The following GABRG2 variants were observed in gnomAD, a reference collection of about 807,000 sequenced individuals.
The protein encoded by GABRG2 is gamma-aminobutyric acid receptor subunit gamma-2.
Under a neutral mutation model 56.4 loss-of-function variants are expected in GABRG2, and 16 were observed. That is an observed-to-expected ratio of 0.28 (90% CI 0.19 to 0.43). GABRG2 has a LOEUF of 0.43. GABRG2 is among the 20% of genes least tolerant of loss of function. The pLI is 1.00. For missense variants in GABRG2, 327 were observed against 582.7 expected (o/e 0.56, Z 4.52); for synonymous variants, 208 against 205.5 (o/e 1.01, Z -0.10).
Position 162,078,346 on chromosome 5 carries a change from G to T in GABRG2, c.107+10240G>T, listed in dbSNP as rs1019998063. Among the ~76,000 whole-genome samples the T allele has an allele frequency of 2.3e-3, 297 of 126,856 alleles. 5 individuals carry two copies. Among genetic ancestry groups the T allele is most frequent in the African/African-American group, 8.5e-3 (279 of 32,682 alleles). The allele number at this position is 126,856 out of a possible 152,430, so 83.2% of individuals were successfully genotyped here. ...GGTTTATTTTCCTGTCACCTTTACA[G>T]GCATTACTTTCAGAGCATCTTACTA... On this transcript the variant is annotated intron_variant, in intron 1 of 9. Transcript: ENST00000639213.
chr5:162,116,705 A>G (rs387661), intron 6 of GABRG2, among the ~76,000 whole-genome samples: 17,058 of 151,948 alleles, frequency 0.11, 1,175 homozygotes, highest in East Asian at 0.26. Flanking sequence ...CCTTTATACT[A>G]TACATGACTC....
intron 7 of GABRG2, among the ~76,000 whole-genome samples, chr5:162,148,801 G>T (rs1459217146): frequency 6.6e-6 from 1 of 152,000 alleles, no homozygotes; most frequent in East Asian, 1.9e-4. Flanking sequence ...TATTCTCCAT[G>T]GCACATACCA....
At chr5:162,133,037 A>ATGCAAATATGTTAG (rs1763867526) in intron 6 of GABRG2, among the ~76,000 whole-genome samples, 1 of 151,986 alleles carries the variant, frequency 6.6e-6, no homozygotes, top group East Asian at 1.9e-4. Flanking sequence ...ACAGTGGGTG[A>ATGCAAATATGTTAG]CTGTAATAGT....
intron 6 of GABRG2, among the ~76,000 whole-genome samples, chr5:162,129,621 A>T (rs1349341674): frequency 6.6e-6 from 1 of 151,938 alleles, no homozygotes; most frequent in African/African-American, 2.4e-5. Flanking sequence ...TTCCATTTTC[A>T]TCTGCGAAAA....
At chr5:162,105,039 C>T (rs1345868352) in intron 6 of GABRG2, among the ~76,000 whole-genome samples, 1 of 152,172 alleles carries the variant, frequency 6.6e-6, no homozygotes, top group Non-Finnish European at 1.5e-5. Context: ...ATTAAGATGT[C>T]ATTTGAAGCA....
At chr5:162,149,674 C>A in intron 8 of GABRG2, 1 of 570,192 alleles carries the variant, frequency 1.8e-6, no homozygotes, top group South Asian at 1.5e-5. Flanking sequence ...AGTGCAGTGG[C>A]GGGATCTCGG....
At chr5:162,094,254 A>T (rs1269670356) in intron 2 of GABRG2, 1 of 434,054 alleles carries the variant, frequency 2.3e-6, no homozygotes, top group Admixed American at 3.8e-5. Context: ...TGTAGGAAAA[A>T]AAAAACAATG....
chr5:162,152,316 A>G, intron 9 of GABRG2: 1 of 282,444 alleles, frequency 3.5e-6, no homozygotes, highest in South Asian at 3.7e-5. Context: ...CTATTCAAAT[A>G]TAATAGCTGA....
intron 6 of GABRG2, among the ~76,000 whole-genome samples, chr5:162,111,603 T>C (rs1581381791): frequency 6.6e-6 from 1 of 152,200 alleles, no homozygotes; most frequent in South Asian, 2.1e-4. Context: ...ATGGATTTTA[T>C]GACTTTCTAG....
At chr5:162,078,259 C>T (rs1355716782) in intron 1 of GABRG2, among the ~76,000 whole-genome samples, 1 of 151,246 alleles carries the variant, frequency 6.6e-6, no homozygotes, top group Non-Finnish European at 1.5e-5. Flanking sequence ...TTGCTCTTCT[C>T]ATTGTATCCT....
At chr5:162,094,249 G>T in intron 2 of GABRG2, 2 of 352,444 alleles carry the variant, frequency 5.7e-6, no homozygotes, top group Non-Finnish European at 5.2e-6. Context: ...GAAGCTGTAG[G>T]AAAAAAAAAA....
At chr5:162,104,335 G>C (rs908457855) in intron 6 of GABRG2, among the ~76,000 whole-genome samples, 2 of 152,130 alleles carry the variant, frequency 1.3e-5, no homozygotes, top group African/African-American at 4.8e-5. Flanking sequence ...TAGAAAGTAT[G>C]TTTCATAATG....
chr5:162,145,004 C>G (rs1470956212), intron 7 of GABRG2, among the ~76,000 whole-genome samples: 5 of 152,138 alleles, frequency 3.3e-5, no homozygotes, highest in African/African-American at 4.8e-5. Flanking sequence ...AACGTGCAGT[C>G]GCCTTTTAGA....
chr5:162,149,194 C>A lies in GABRG2; in HGVS notation c.1009C>A (p.Leu337Ile). The A allele has an allele frequency of 6.2e-7, 1 of 1,614,138 alleles. No individual in the cohort carries two copies. Among genetic ancestry groups the A allele is most frequent in the Non-Finnish European group, 8.5e-7 (1 of 1,180,024 alleles). Reference protein sequence around the residue: ...PKVSYVTAMDLFVSVCFIFVF... With the variant: ...PKVSYVTAMDIFVSVCFIFVF... The stretch of plus-strand genomic sequence containing the variant: ...GGTCTCCTATGTCACAGCGATGGAT[C>A]TCTTTGTATCTGTTTGTTTCATCTT... The change falls in exon 8 of 10, where the codon CTC becomes ATC. Residue 337 changes from leucine (L) to isoleucine (I), a missense_variant. Leu to Ile is a conservative substitution (Grantham distance 5). Coordinates refer to ENST00000639213, the MANE Select transcript of GABRG2 (RefSeq NM_198904.4).
At position 162,154,531 on chromosome 5, in the gene GABRG2, C is replaced by T. The variant is rs556537352; in HGVS notation, c.*1163C>T. 1 of 152,236 alleles carries T rather than the reference C, an allele frequency of 6.6e-6. No homozygotes were observed. The highest frequency in any genetic ancestry group is 6.5e-5 in the Admixed American group (1 of 15,270). 9.4% of individuals were successfully genotyped at this position (152,236 alleles called of 1,614,324 possible). ...TGATATTTGATTTTGTAAAAATAAC[C>T]AGTAGGATCCAAAGAACTTTAGCTA... On this transcript the variant is annotated 3_prime_UTR_variant, in exon 10 of 10. Transcript: ENST00000639213.
chr5:162,098,589 T>C (rs1761170990), intron 4 of GABRG2: 1 of 152,220 alleles, frequency 6.6e-6, no homozygotes, highest in East Asian at 1.9e-4. Context: ...TACATAGTCT[T>C]ACGAATCAGA....
rs143482385 is a variant in GABRG2 at position 162,068,410 on chromosome 5, G to T, written c.107+304G>T. ...TTTGACATTATTGCAATCTGATATC[G>T]GAGTGGGCTGTGCTGATACACGCCG... On this transcript the variant is annotated intron_variant, in intron 1 of 9. Coordinates refer to ENST00000639213, the MANE Select transcript of GABRG2 (RefSeq NM_198904.4). Among the ~76,000 whole-genome samples the T allele has an allele frequency of 3.7e-3, 557 of 152,038 alleles. 2 individuals are homozygous for T. Among genetic ancestry groups the T allele is most frequent in the African/African-American group, 0.013 (531 of 41,470 alleles).
chr5:162,081,437 A>G (rs1348688013), intron 1 of GABRG2, among the ~76,000 whole-genome samples: 3 of 152,074 alleles, frequency 2.0e-5, no homozygotes, highest in Non-Finnish European at 4.4e-5. Flanking sequence ...AGCCCAAATC[A>G]GTATTCTTGG....
At position 162,075,752 on chromosome 5, in the gene GABRG2, G is replaced by GA. The variant is rs894435298; in HGVS notation, c.107+7655dup. Among the ~76,000 whole-genome samples the GA allele has an allele frequency of 8.4e-4, 126 of 149,224 alleles. 1 individual carries two copies. Among genetic ancestry groups the GA allele is most frequent in the South Asian group, 1.3e-3 (6 of 4,714 alleles). ...GTAAGTCAGCATATATGGCTGTCAG[G>GA]AAAAAAAAATAAAAGAAAATGAACA... On this transcript the variant is annotated intron_variant, in intron 1 of 9. Coordinates refer to ENST00000639213, the MANE Select transcript of GABRG2 (RefSeq NM_198904.4).
Sources: gnomAD v4.1 joint callset for allele counts (sites outside exome capture counted in the v4.1 genomes callset) on GRCh38, gnomAD v4.1.1 for gene constraint, MANE v1.5 for transcripts, NCBI Gene and HGNC (gene_info 2026-07-23, HGNC 2026-07-21) for gene names.